The following TNKS variants were observed in gnomAD, a reference collection of about 807,000 sequenced individuals.
TNKS encodes the protein tankyrase.
A neutral mutation model predicts 135.8 loss-of-function variants in TNKS; 72 were observed. The observed-to-expected ratio is 0.53, with a 90% CI of 0.44 to 0.64. TNKS has a LOEUF of 0.64. Ranked by LOEUF, TNKS falls within the 30% of genes least tolerant of loss-of-function variation. TNKS has a pLI of 0.00. For synonymous variants in TNKS, 849 were observed against 649.3 expected, an observed-to-expected ratio of 1.31 and a Z score of -4.68; for missense variants, 1,769 against 1,674.0, an observed-to-expected ratio of 1.06 and a Z score of -0.99.
rs371423115 is a variant in TNKS, at chr8:9,780,584, G to C, written c.*3848G>C. ...CTCGAAAACTACTATTCTAGAACAT[G>C]AGGCTTCTTCAGCAACTTGTGCACT... On this transcript the variant is annotated 3_prime_UTR_variant, in exon 27 of 27. Transcript: ENST00000310430. The C allele has an allele frequency of 4.7e-4, 71 of 152,306 alleles. 2 individuals are homozygous for C. Among genetic ancestry groups the C allele is most frequent in the East Asian group, 3.1e-3 (16 of 5,186 alleles). 9.4% of individuals were successfully genotyped at this position (152,306 alleles called of 1,614,324 possible). A position where few individuals can be genotyped will look rare whatever the true frequency, so the allele number is the denominator to read the frequency against.
intron 24 of TNKS, 130 bp downstream of exon 24, chr8:9,765,927 A>G (rs1807417475): frequency 2.7e-6 from 2 of 728,812 alleles, no homozygotes; most frequent in Non-Finnish European, 4.4e-6. Context: ...ATTTTGTTCA[A>G]ATAATTACTT....
At chr8:9,725,402 C>A (rs796495307) in intron 12 of TNKS, among the ~76,000 whole-genome samples, 14 of 152,064 alleles carry the variant, frequency 9.2e-5, no homozygotes, top group African/African-American at 3.1e-4. Context: ...TTTTTTCCTC[C>A]CTTAATCTCA....
intron 25 of TNKS, among the ~76,000 whole-genome samples, chr8:9,769,691 C>T (rs1807700732): frequency 7.0e-6 from 1 of 141,950 alleles, no homozygotes. Context: ...GCGATCTCGG[C>T]TCACTGCAAG....
At chr8:9,755,304 T>TC (rs1319722311) in intron 20 of TNKS, among the ~76,000 whole-genome samples, 9 of 152,232 alleles carry the variant, frequency 5.9e-5, no homozygotes, top group Admixed American at 1.3e-4. Flanking sequence ...GTTTCATTGT[T>TC]CTTTTTTTAC....
At chr8:9,589,260 G>C (rs1486530368) in intron 2 of TNKS, among the ~76,000 whole-genome samples, 1 of 152,182 alleles carries the variant, frequency 6.6e-6, no homozygotes, top group Non-Finnish European at 1.5e-5. Context: ...GTAGCAGCAG[G>C]ATCAGCTTGA....
intron 3 of TNKS, among the ~76,000 whole-genome samples, chr8:9,627,056 G>A (rs1242856589): frequency 6.6e-6 from 1 of 152,104 alleles, no homozygotes. Context: ...GAGGCTGAAG[G>A]TTAAGTTGAT....
chr8:9,605,560 C>T (rs1029127725), intron 2 of TNKS, among the ~76,000 whole-genome samples: 20 of 152,068 alleles, frequency 1.3e-4, no homozygotes, highest in African/African-American at 4.1e-4. Flanking sequence ...ATATAAGGAA[C>T]TGCTAAACTG....
intron 3 of TNKS, among the ~76,000 whole-genome samples, chr8:9,652,896 G>A (rs955917528): frequency 1.3e-5 from 2 of 152,154 alleles, no homozygotes; most frequent in African/African-American, 4.8e-5. Context: ...AAGGTTACAT[G>A]ATTTGGTCAA....
At chr8:9,707,477 C>T (rs967904458) in intron 8 of TNKS, among the ~76,000 whole-genome samples, 4 of 152,246 alleles carry the variant, frequency 2.6e-5, no homozygotes, top group South Asian at 2.1e-4. Context: ...CCCCATTTCC[C>T]GAGCCCTGCA....
intron 1 of TNKS, chr8:9,575,127 C>G (rs534804130): frequency 9.5e-6 from 9 of 951,758 alleles, no homozygotes; most frequent in Non-Finnish European, 1.1e-5. Context: ...CGCTCTGTTG[C>G]CCAGGCTGGA....
chr8:9,717,103 T>TATATATATGTATA (rs1554476739), intron 11 of TNKS, among the ~76,000 whole-genome samples: 1 of 39,332 alleles, frequency 2.5e-5, no homozygotes, highest in African/African-American at 8.0e-5. Context: ...ATATATATAT[T>TATATATATGTATA]TTCAGGGAAT....
chr8:9,750,229 G>A lies in TNKS; in HGVS notation c.2833-1380G>A, dbSNP rs149869909. 3.3e-3 allele frequency among the ~76,000 whole-genome samples: 504 copies of A among 152,294 alleles called. 19 individuals are homozygous for A. The East Asian group carries it at 0.058, about 18-fold the overall frequency. On this transcript the variant is annotated intron_variant, in intron 18 of 26. Coordinates refer to ENST00000310430, the MANE Select transcript of TNKS (RefSeq NM_003747.3). Reference sequence around the variant, plus strand: ...TGAGGCCATGTTTTCCTGTCAGCACGCTGGATTTGACCTTTGGCCTGAGGC... The same window carrying A: ...TGAGGCCATGTTTTCCTGTCAGCACACTGGATTTGACCTTTGGCCTGAGGC...
chr8:9,757,849 C>T (rs1482875366), intron 20 of TNKS, among the ~76,000 whole-genome samples: 2 of 152,160 alleles, frequency 1.3e-5, no homozygotes, highest in East Asian at 1.9e-4. Flanking sequence ...AGAAGGTACT[C>T]ATTAAACATT....
rs1293308251 is a variant in TNKS at position 9,776,733 on chromosome 8, C to A, written c.3981C>A (p.Thr1327=). The change falls in exon 27 of 27, where the codon ACC becomes ACA. Residue 1327 remains threonine (T), a synonymous_variant. Transcript: ENST00000310430. ...SQTATAAEQK[T] ...CCGCAACAGCCGCAGAGCAGAAGAC[C>A]TAGTGAATGCCTGCTGGTGAAGGCC... 1.2e-6 allele frequency: 2 copies of A among 1,613,732 alleles called. No homozygotes were observed. The highest frequency in any genetic ancestry group is 2.2e-5 in the East Asian group (1 of 44,892).
At chr8:9,749,448 T>C (rs1451152465) in intron 18 of TNKS, among the ~76,000 whole-genome samples, 8 of 150,830 alleles carry the variant, frequency 5.3e-5, no homozygotes. Context: ...GTGGCTGTCT[T>C]TTTTTTTCCT....
chr8:9,724,997 A>C (rs1805091312), intron 12 of TNKS, among the ~76,000 whole-genome samples: 1 of 152,242 alleles, frequency 6.6e-6, no homozygotes, highest in Non-Finnish European at 1.5e-5. Context: ...TATTTTGTTG[A>C]AATGAAAAAC....
chr8:9,565,134 G>C (rs1797476536), intron 1 of TNKS, among the ~76,000 whole-genome samples: 1 of 152,320 alleles, frequency 6.6e-6, no homozygotes, highest in South Asian at 2.1e-4. Flanking sequence ...ACCAGAGCGA[G>C]TTACTGAGTT....
intron 20 of TNKS, among the ~76,000 whole-genome samples, chr8:9,759,455 T>G (rs974310375): frequency 1.3e-5 from 2 of 152,224 alleles, no homozygotes; most frequent in African/African-American, 4.8e-5. Context: ...GTGTGAGAGC[T>G]CCTCTCAGCC....
At chr8:9,718,179 T>A (rs1372598364) in intron 11 of TNKS, among the ~76,000 whole-genome samples, 1 of 152,180 alleles carries the variant, frequency 6.6e-6, no homozygotes, top group African/African-American at 2.4e-5. Context: ...ATTTTTTTAA[T>A]TGTTGACTTT....
Sources: allele counts gnomAD v4.1 joint callset (sites outside exome capture counted in the v4.1 genomes callset), GRCh38; gene constraint gnomAD v4.1.1; transcripts MANE v1.5; gene names NCBI Gene and HGNC (gene_info 2026-07-23, HGNC 2026-07-21).